The following PTPRS variants were observed in gnomAD, a reference collection of about 807,000 sequenced individuals.
PTPRS encodes receptor-type tyrosine-protein phosphatase S.
Under a neutral mutation model 215.3 loss-of-function variants are expected in PTPRS, and 63 were observed. The observed-to-expected ratio is 0.29, with a 90% CI of 0.24 to 0.36. PTPRS has a LOEUF of 0.36. Ranked by LOEUF, PTPRS falls within the 10% of genes least tolerant of loss-of-function variation. The probability of loss-of-function intolerance (pLI) is 1.00; values close to 1 mark genes in which losing one functional copy is unlikely to be tolerated. For synonymous variants in PTPRS, 1,404 were observed against 1,191.4 expected (o/e 1.18, Z -3.68); for missense variants, 2,258 against 2,825.8 (o/e 0.80, Z 4.56).
intron 19 of PTPRS, 98 bp downstream of exon 19, chr19:5,222,025 C>T: frequency 1.0e-6 from 1 of 958,346 alleles, no homozygotes; most frequent in Non-Finnish European, 1.7e-6. Context: ...GAGCCCTGAT[C>T]CCTCACTTCA....
chr19:5,303,331 T>TAC (rs1414119793), intron 1 of PTPRS, among the ~76,000 whole-genome samples: 2 of 152,124 alleles, frequency 1.3e-5, no homozygotes, highest in Non-Finnish European at 2.9e-5. Context: ...GGGCTTGGTG[T>TAC]AGCTCCTAAT....
chr19:5,286,188 G>T lies in PTPRS; in HGVS notation c.-48C>A, dbSNP rs372653568. ...CCGCCCTGGAGGGGGATGGCCCCCCGGTCCCTCACAGAGAGGCCTCGAGCC... is the reference window on the plus strand; with the variant it reads ...CCGCCCTGGAGGGGGATGGCCCCCCTGTCCCTCACAGAGAGGCCTCGAGCC... On this transcript the variant is annotated 5_prime_UTR_variant, in exon 2 of 38. Transcript: ENST00000262963. 26 of 1,599,264 alleles carry T rather than the reference G, an allele frequency of 1.6e-5. No homozygotes were observed. The African/African-American group carries it at 3.1e-4, about 19-fold the overall frequency.
chr19:5,305,339 A>C (rs1450010856), intron 1 of PTPRS, among the ~76,000 whole-genome samples: 1 of 152,056 alleles, frequency 6.6e-6, no homozygotes, highest in East Asian at 1.9e-4. Context: ...TGAGGCCAGG[A>C]GTTGAAGACC....
chr19:5,212,892 T>G (rs918836690), intron 30 of PTPRS, among the ~76,000 whole-genome samples: 3 of 150,384 alleles, frequency 2.0e-5, no homozygotes, highest in African/African-American at 7.3e-5. Context: ...TGTCCCCAAG[T>G]GCCTGACTTG....
rs200711071 is a variant in PTPRS, at chr19:5,218,778, G to A, written c.3935+9C>T. The A allele has an allele frequency of 1.2e-6, 2 of 1,610,108 alleles. No individual in the cohort carries two copies. The highest frequency in any genetic ancestry group is 1.7e-6 in the Non-Finnish European group (2 of 1,178,586). On this transcript the variant is annotated intron_variant, in intron 24 of 37. Coordinates refer to ENST00000262963, the MANE Select transcript of PTPRS (RefSeq NM_002850.4). ...CCTGAAGCCTCCACGGGGGAGGGCT[G>A]GTTCTTACCTGTCGGGTTTGCTGTT... is the stretch of plus-strand genomic sequence containing the variant.
rs757257991 is a variant in PTPRS at position 5,231,364 on chromosome 19, C to G, written c.2101G>C (p.Glu701Gln). ...QYRITTVAHT[E>Q]VGPGPESSPV... is the part of the protein sequence containing the mutation. The stretch of plus-strand genomic sequence containing the variant: ...GAGCTCTCGGGCCCTGGTCCCACCT[C>G]TGTGTGAGCGACAGTCGTGATGCGG... The change falls in exon 14 of 38, where the codon GAG becomes CAG. Residue 701 changes from glutamate (E) to glutamine (Q), a missense_variant. Around this residue, in one of 6 missense-constraint regions of PTPRS, gnomAD observed 371 missense variants for 446.7 expected, o/e 0.83. Coordinates refer to ENST00000262963, the MANE Select transcript of PTPRS (RefSeq NM_002850.4). 12 of 1,612,800 alleles carry G rather than the reference C, an allele frequency of 7.4e-6. No individual in the cohort carries two copies. The South Asian group carries it at 1.2e-4, about 16-fold the overall frequency.
chr19:5,210,947 G>A lies in PTPRS; in HGVS notation c.5235-142C>T. 2.6e-6 allele frequency: 3 copies of A among 1,157,808 alleles called. No homozygotes were observed. The highest frequency in any genetic ancestry group is 3.2e-5 in the South Asian group (2 of 62,600). 71.7% of individuals were successfully genotyped at this position (1,157,808 alleles called of 1,614,324 possible). ...TGCCTGCCAGGAATGGCTGCTGGGT[G>A]CACCACTTCCCCTCCTGGTGATCCC... On this transcript the variant is annotated intron_variant, in intron 33 of 37. Transcript: ENST00000262963. The surrounding 1 kb of genome is among the most constrained non-coding windows in gnomAD (Gnocchi z 4.5).
intron 33 of PTPRS, among the ~76,000 whole-genome samples, chr19:5,211,102 T>C (rs1402065878): frequency 6.6e-6 from 1 of 152,254 alleles, no homozygotes; most frequent in African/African-American, 2.4e-5. Flanking sequence ...CTACTTTCAG[T>C]TGCTTGCGTG....
At chr19:5,218,080 T>G (rs146886409) in intron 25 of PTPRS, among the ~76,000 whole-genome samples, 1 of 152,118 alleles carries the variant, frequency 6.6e-6, no homozygotes, top group African/African-American at 2.4e-5. Context: ...ACCAGAGACA[T>G]AAACAGAAGA....
Position 5,205,647 on chromosome 19 carries a change from G to C in PTPRS, c.*1127C>G, listed in dbSNP as rs57021647. 0.14 allele frequency among the ~76,000 whole-genome samples: 20,924 copies of C among 152,216 alleles called. 1,632 individuals carry two copies. Among genetic ancestry groups the C allele is most frequent in the African/African-American group, 0.21 (8,806 of 41,502 alleles). ...TTGTACAAAGAGGAACAACTCGCTT[G>C]CTCAGGGTAGGCGGGTAGAGGGGGG... On this transcript the variant is annotated 3_prime_UTR_variant, in exon 38 of 38. Transcript: ENST00000262963.
At chr19:5,261,739 G>T (rs1370103754) in intron 6 of PTPRS, among the ~76,000 whole-genome samples, 1 of 152,194 alleles carries the variant, frequency 6.6e-6, no homozygotes, top group South Asian at 2.1e-4. Flanking sequence ...ATGAGGCAGG[G>T]GTGGGCACTG....
chr19:5,225,302 G>T (rs530384532), intron 17 of PTPRS, among the ~76,000 whole-genome samples: 2 of 152,150 alleles, frequency 1.3e-5, no homozygotes, highest in East Asian at 3.9e-4. Context: ...GAGACTAGGG[G>T]GCCCAGAAGG....
At position 5,286,176 on chromosome 19, in the gene PTPRS, G is replaced by A. The variant is rs769014576; in HGVS notation, c.-36C>T. 1.2e-6 allele frequency: 2 copies of A among 1,608,336 alleles called. No homozygotes were observed. Among genetic ancestry groups the A allele is most frequent in the Non-Finnish European group, 1.7e-6 (2 of 1,177,442 alleles). On this transcript the variant is annotated 5_prime_UTR_variant, in exon 2 of 38. Transcript: ENST00000262963. ...GACCTCCGATCTCCGCCCTGGAGGG[G>A]GATGGCCCCCCGGTCCCTCACAGAG...
At chr19:5,277,758 A>G (rs2047512292) in intron 2 of PTPRS, 1 of 706,984 alleles carries the variant, frequency 1.4e-6, no homozygotes, top group Admixed American at 1.8e-5. Flanking sequence ...ACTCCTCATG[A>G]AGCCCAAGAT....
chr19:5,207,087 C>CT (rs566076916), intron 37 of PTPRS, among the ~76,000 whole-genome samples: 2 of 152,190 alleles, frequency 1.3e-5, no homozygotes, highest in South Asian at 2.1e-4. Flanking sequence ...TTCATCTTTT[C>CT]TTTTTTATTT....
chr19:5,225,615 G>T, intron 17 of PTPRS, 112 bp downstream of exon 17: 1 of 951,184 alleles, frequency 1.1e-6, no homozygotes, highest in Non-Finnish European at 1.7e-6. Context: ...TGTTCCAGCT[G>T]CCTGGTGCAC....
intron 2 of PTPRS, chr19:5,277,838 G>A (rs1355482808): frequency 1.2e-6 from 1 of 801,620 alleles, no homozygotes; most frequent in Non-Finnish European, 2.2e-6. Flanking sequence ...AGCGTTAACT[G>A]GGGGAAACCC....
intron 1 of PTPRS, among the ~76,000 whole-genome samples, chr19:5,308,050 G>A (rs2049558522): frequency 6.6e-6 from 1 of 152,218 alleles, no homozygotes; most frequent in Admixed American, 6.5e-5. Context: ...TGGGGAAAGA[G>A]AGAGGGGAGA....
intron 16 of PTPRS, among the ~76,000 whole-genome samples, chr19:5,226,110 C>A (rs1568417060): frequency 6.6e-6 from 1 of 152,216 alleles, no homozygotes; most frequent in Non-Finnish European, 1.5e-5. Context: ...TTGCCATCAC[C>A]CCCGACAGTC....
Sources: allele counts gnomAD v4.1 joint callset (sites outside exome capture counted in the v4.1 genomes callset), GRCh38; gene constraint gnomAD v4.1.1; regional missense constraint gnomAD v4.1.1; non-coding constraint Gnocchi (gnomAD v3.1); transcripts MANE v1.5; gene names NCBI Gene and HGNC (gene_info 2026-07-23, HGNC 2026-07-21).